CRLF2: variants seen among roughly 807,000 people sequenced by gnomAD.
The protein encoded by CRLF2 is cytokine receptor-like factor 2.
CRLF2 carries 41 observed loss-of-function variants against 38.7 expected under a neutral mutation model. The observed-to-expected ratio is 1.06, with a 90% CI of 0.83 to 1.37. The LOEUF (loss-of-function observed/expected upper bound fraction) is 1.37. Ranked by LOEUF, CRLF2 falls within the 40% of genes most tolerant of loss-of-function variation. The probability of loss-of-function intolerance (pLI) is 0.00; values close to 1 mark genes in which losing one functional copy is unlikely to be tolerated. For synonymous variants in CRLF2, 140 were observed against 128.8 expected, an observed-to-expected ratio of 1.09 and a Z score of -0.59; for missense variants, 377 against 322.2, an observed-to-expected ratio of 1.17 and a Z score of -1.30.
chrX:1,197,116 A>T, intron 5 of CRLF2, among the ~76,000 whole-genome samples: 1 of 102,770 alleles, frequency 9.7e-6, no homozygotes, highest in East Asian at 2.7e-4. Flanking sequence ...TTTTTGAGAC[A>T]GAACCTCACT....
Position 1,191,127 on chromosome X carries a change from G to C in CRLF2, c.886C>G (p.Leu296Val). 2.5e-6 allele frequency: 1 copy of C among 398,626 alleles called. No individual in the cohort carries two copies. Among genetic ancestry groups the C allele is most frequent in the Non-Finnish European group, 4.4e-6 (1 of 226,132 alleles). The allele number at this position is 398,626 out of a possible 1,614,324, so 24.7% of individuals were successfully genotyped here. Reference protein sequence around the residue: ...WITDTQNVAHLHKMAGAEQES... With the variant: ...WITDTQNVAHVHKMAGAEQES... ...TGCTCTGCACCTGCCATCTTGTGGA[G>C]GTGGGCCACGTTCTGGGTGTCTGTG... The change falls in exon 8 of 8, where the codon CTC (leucine) becomes GTC (valine). Residue 296 changes from leucine (L) to valine (V), a missense_variant. Transcript: ENST00000400841.
rs2086426275 is a variant in CRLF2, at chrX:1,193,342, C to A, written c.768-40G>T. 1.3e-5 allele frequency: 5 copies of A among 398,566 alleles called. No individual in the cohort carries two copies. The South Asian group carries it at 6.4e-4, about 51-fold the overall frequency. The allele number at this position is 398,566 out of a possible 1,614,324, so 24.7% of individuals were successfully genotyped here. ...GAGAGCGTGGTCAGGTCGGCCACAG[C>A]CCCGCAGGAAGGGTTGGCAAGAAGC... On this transcript the variant is annotated intron_variant, in intron 6 of 7. Transcript: ENST00000400841.
intron 5 of CRLF2, among the ~76,000 whole-genome samples, chrX:1,198,208 C>T (rs1325191367): frequency 6.7e-5 from 8 of 119,586 alleles, no homozygotes; most frequent in East Asian, 2.6e-4. Flanking sequence ...CACCCTCCCT[C>T]CCACCTCGAA....
intron 3 of CRLF2, among the ~76,000 whole-genome samples, chrX:1,204,043 G>C (rs2086651418): frequency 7.0e-6 from 1 of 142,244 alleles, no homozygotes; most frequent in South Asian, 2.2e-4. Flanking sequence ...AGTTCTCAAC[G>C]CACATAAGAA....
At chrX:1,196,726 C>T (rs763258145) in intron 6 of CRLF2, 54 bp downstream of exon 6, 117 of 1,595,130 alleles carry the variant, frequency 7.3e-5, no homozygotes, top group Non-Finnish European at 9.9e-5. Context: ...TCGTACTTCA[C>T]AGACATTGTG....
At chrX:1,193,656 C>A (rs1603393622) in intron 6 of CRLF2, among the ~76,000 whole-genome samples, 4 of 151,858 alleles carry the variant, frequency 2.6e-5, no homozygotes, top group Non-Finnish European at 4.4e-5. Flanking sequence ...GTGGTGGGCA[C>A]CTGTAGTCCC....
chrX:1,196,897 G>C lies in CRLF2; in HGVS notation c.650C>G (p.Ala217Gly), dbSNP rs748070656. The C allele has an allele frequency of 1.9e-6, 3 of 1,612,300 alleles. No individual in the cohort carries two copies. In the South Asian group the frequency reaches 3.3e-5, roughly 18 times the overall value. ...TCWQRGEIRDACAETPTPPKP... is the reference protein window; with the variant it reads ...TCWQRGEIRDGCAETPTPPKP... The stretch of plus-strand genomic sequence containing the variant: ...GGGAGGCGTTGGTGTCTCTGCACAG[G>C]CATCTGAAACAAAATGAAAAGGCGG... The change falls in exon 6 of 8, where the codon GCC becomes GGC. Residue 217 changes from alanine to glycine, a missense_variant. Ala to Gly is a moderately conservative substitution (Grantham distance 60). Transcript: ENST00000400841.
intron 4 of CRLF2, 112 bp from the exon 5 acceptor site, chrX:1,198,836 A>C: frequency 9.3e-7 from 1 of 1,073,160 alleles, no homozygotes; most frequent in Non-Finnish European, 1.4e-6. Context: ...GAGGGTTCAC[A>C]GTCTCGCTGA....
intron 4 of CRLF2, among the ~76,000 whole-genome samples, chrX:1,200,165 G>A (rs1399555951): frequency 1.3e-5 from 2 of 151,230 alleles, no homozygotes; most frequent in Non-Finnish European, 3.0e-5. Flanking sequence ...ATATATACCT[G>A]TATATAAGCT....
chrX:1,212,444 G>GAAGAA, intron 1 of CRLF2, 112 bp downstream of exon 1: 2 of 493,870 alleles, frequency 4.0e-6, no homozygotes, highest in African/African-American at 2.3e-5. Flanking sequence ...AAAAAGAAAA[G>GAAGAA]AAGAAAGAAA....
At chrX:1,204,150 C>CTGTGTGTGTGTGTGTGTGTGTGTGTG (rs782552615) in intron 3 of CRLF2, among the ~76,000 whole-genome samples, 2,841 of 124,688 alleles carry the variant, frequency 0.023, 67 homozygotes, top group Non-Finnish European at 0.028. Flanking sequence ...CCAGCTCACT[C>CTGTGTGTGTGTGTGTGTGTGTGTGTG]TGTGTGTGTG....
chrX:1,212,444 GAAGA>G, intron 1 of CRLF2, 108 bp downstream of exon 1: 1 of 493,870 alleles, frequency 2.0e-6, no homozygotes, highest in Non-Finnish European at 3.5e-6. Context: ...AAAAAGAAAA[GAAGA>G]AAGAAACCTC....
At position 1,200,912 on chromosome X, in the gene CRLF2, C is replaced by T. The variant is rs189420614; in HGVS notation, c.483+1490G>A. Among the ~76,000 whole-genome samples, 35 of 137,060 alleles carry T rather than the reference C, an allele frequency of 2.6e-4. 2 individuals are homozygous for T. In the East Asian group the frequency reaches 7.7e-3, roughly 30 times the overall value. The allele number at this position is 137,060 out of a possible 152,430, so 89.9% of individuals were successfully genotyped here. On this transcript the variant is annotated intron_variant, in intron 4 of 7. Coordinates refer to ENST00000400841, the MANE Select transcript of CRLF2 (RefSeq NM_022148.4). The stretch of plus-strand genomic sequence containing the variant: ...AGATATACAGTCATGCATTGCTTAA[C>T]GATGGGGACATGTTCTGGGAAATGC...
intron 5 of CRLF2, among the ~76,000 whole-genome samples, chrX:1,197,746 G>A (rs1178472823): frequency 6.6e-5 from 10 of 151,676 alleles, no homozygotes; most frequent in East Asian, 3.9e-4. Context: ...CTCGGGAGGC[G>A]GAGGTTGCAG....
intron 6 of CRLF2, among the ~76,000 whole-genome samples, chrX:1,194,566 A>G (rs1343073279): frequency 6.6e-6 from 1 of 152,108 alleles, no homozygotes; most frequent in African/African-American, 2.4e-5. Context: ...CACCTTGTCG[A>G]TAGGATGGGC....
At chrX:1,200,293 C>T (rs1200565559) in intron 4 of CRLF2, among the ~76,000 whole-genome samples, 24 of 138,414 alleles carry the variant, frequency 1.7e-4, no homozygotes, top group African/African-American at 4.6e-4. Context: ...TGTATATATA[C>T]GTGTATATAA....
Position 1,206,472 on chromosome X carries a change from G to T in CRLF2, c.310C>A (p.His104Asn). The T allele has an allele frequency of 6.2e-7, 1 of 1,613,636 alleles. No homozygotes were observed. Among genetic ancestry groups the T allele is most frequent in the Non-Finnish European group, 8.5e-7 (1 of 1,179,646 alleles). Residue 104 changes from histidine (H) to asparagine (N), a missense_variant, in exon 3 of 8, where the codon CAC (histidine) becomes AAC (asparagine). By Grantham distance (68) the His-to-Asn change is moderately conservative. Transcript: ENST00000400841. Reference sequence around the variant, plus strand: ...CAGCGACTTGCGGTGAAAACGGGGTGCGTCCCATTCCTGATGGAGAAATAG... The same window carrying T: ...CAGCGACTTGCGGTGAAAACGGGGTTCGTCCCATTCCTGATGGAGAAATAG... ...ILYFSIRNGTHPVFTASRWMV... is the reference protein window; with the variant it reads ...ILYFSIRNGTNPVFTASRWMV...
chrX:1,195,731 T>A (rs1244447507), intron 6 of CRLF2, among the ~76,000 whole-genome samples: 2 of 141,230 alleles, frequency 1.4e-5, no homozygotes, highest in South Asian at 4.3e-4. Flanking sequence ...GTGCTAATTT[T>A]TATATTTTTA....
intron 1 of CRLF2, among the ~76,000 whole-genome samples, chrX:1,210,114 AAGAAAAGAAAAG>A (rs1334206671): frequency 1.2e-5 from 1 of 86,734 alleles, no homozygotes; most frequent in Non-Finnish European, 2.1e-5. Flanking sequence ...AAAAAAAAAA[AAGAAAAGAAAAG>A]AAAAGAAAAG....
Sources: allele counts gnomAD v4.1 joint callset (sites outside exome capture counted in the v4.1 genomes callset), GRCh38; gene constraint gnomAD v4.1.1; transcripts MANE v1.5; gene names NCBI Gene and HGNC (gene_info 2026-07-23, HGNC 2026-07-21).